PPP3CA: variants seen among roughly 807,000 people sequenced by gnomAD.
PPP3CA encodes protein phosphatase 3 catalytic subunit alpha, also known as CAM-PRP catalytic subunit.
In PPP3CA, 14 loss-of-function variants were observed where a neutral mutation model predicts 66.5. That is an observed-to-expected ratio of 0.21 (90% CI 0.14 to 0.33). PPP3CA has a LOEUF of 0.33. Among genes scored for constraint, PPP3CA ranks in the 10% least tolerant of loss-of-function variants. The pLI is 1.00. For missense variants in PPP3CA, 317 were observed against 639.5 expected (o/e 0.50, Z 5.44); for synonymous variants, 232 against 226.2 (o/e 1.03, Z -0.23).
At chr4:101,253,486 A>G (rs552462630) in intron 1 of PPP3CA, among the ~76,000 whole-genome samples, 6 of 152,248 alleles carry the variant, frequency 3.9e-5, no homozygotes, top group Non-Finnish European at 8.8e-5. Context: ...CAAGGGTTAC[A>G]TTCTATTTGT....
At chr4:101,235,007 A>G (rs1215241029) in intron 1 of PPP3CA, among the ~76,000 whole-genome samples, 1 of 151,788 alleles carries the variant, frequency 6.6e-6, no homozygotes, top group East Asian at 1.9e-4. Flanking sequence ...CTTTACAAGT[A>G]TTTCAATCAT....
At chr4:101,246,708 C>T (rs560649302) in intron 1 of PPP3CA, among the ~76,000 whole-genome samples, 81 of 152,102 alleles carry the variant, frequency 5.3e-4, no homozygotes, top group Non-Finnish European at 1.1e-3. Flanking sequence ...TGTGTACCTA[C>T]GTATATATAT....
intron 1 of PPP3CA, among the ~76,000 whole-genome samples, chr4:101,266,361 GATT>G (rs1482890209): frequency 6.6e-6 from 1 of 151,990 alleles, no homozygotes; most frequent in Non-Finnish European, 1.5e-5. Context: ...AAATAAATAG[GATT>G]ATTAAGTGAA....
At chr4:101,195,513 CT>C (rs1432924523) in intron 2 of PPP3CA, among the ~76,000 whole-genome samples, 1 of 152,052 alleles carries the variant, frequency 6.6e-6, no homozygotes, top group African/African-American at 2.4e-5. Flanking sequence ...TACTATCAGT[CT>C]GGGGATCACA....
intron 1 of PPP3CA, among the ~76,000 whole-genome samples, chr4:101,333,482 A>G (rs553285759): frequency 1.3e-5 from 2 of 151,928 alleles, no homozygotes; most frequent in South Asian, 4.2e-4. Context: ...GCTAAAATTC[A>G]TACTTAATAG....
At chr4:101,082,664 T>C (rs967468003) in intron 7 of PPP3CA, among the ~76,000 whole-genome samples, 56 of 152,230 alleles carry the variant, frequency 3.7e-4, no homozygotes, top group African/African-American at 1.3e-3. Context: ...CATTTGCTAG[T>C]TAGAACATAA....
chr4:101,196,215 A>C, intron 1 of PPP3CA, 99 bp from the exon 2 acceptor site: 1 of 1,085,170 alleles, frequency 9.2e-7, no homozygotes, highest in Non-Finnish European at 1.3e-6. Flanking sequence ...AAACCAACTA[A>C]TATAATATTT....
intron 10 of PPP3CA, among the ~76,000 whole-genome samples, chr4:101,054,758 G>A (rs190816440): frequency 2.0e-5 from 3 of 152,062 alleles, no homozygotes; most frequent in Admixed American, 2.0e-4. Flanking sequence ...GGACATAGAT[G>A]GTTTCATAGA....
chr4:101,084,439 G>A (rs534684801), intron 6 of PPP3CA, among the ~76,000 whole-genome samples: 3 of 151,916 alleles, frequency 2.0e-5, no homozygotes, highest in East Asian at 3.9e-4. Flanking sequence ...TCAGGAGTTC[G>A]AGACCAGCCT....
At chr4:101,060,108 G>C (rs1728397793) in intron 10 of PPP3CA, among the ~76,000 whole-genome samples, 1 of 152,056 alleles carries the variant, frequency 6.6e-6, no homozygotes, top group African/African-American at 2.4e-5. Context: ...TTATTTTTGA[G>C]ATGGGATCTT....
intron 1 of PPP3CA, among the ~76,000 whole-genome samples, chr4:101,283,302 T>A (rs114746592): frequency 2.6e-4 from 39 of 152,310 alleles, no homozygotes; most frequent in African/African-American, 8.7e-4. Context: ...GCAAAACATC[T>A]AAGCCTTGGT....
intron 1 of PPP3CA, among the ~76,000 whole-genome samples, chr4:101,341,953 C>A (rs1407978408): frequency 2.0e-5 from 3 of 152,044 alleles, no homozygotes; most frequent in Non-Finnish European, 2.9e-5. Flanking sequence ...AATGAGGTCA[C>A]CCTAAATGGA....
At chr4:101,106,454 AG>A (rs1451438418) in intron 3 of PPP3CA, among the ~76,000 whole-genome samples, 10 of 7,158 alleles carry the variant, frequency 1.4e-3, no homozygotes, top group Admixed American at 3.6e-3. Context: ...AGAAAGAAAG[AG>A]AAAAGAAAAG....
At chr4:101,164,432 C>T (rs1321808353) in intron 2 of PPP3CA, among the ~76,000 whole-genome samples, 1 of 152,084 alleles carries the variant, frequency 6.6e-6, no homozygotes, top group East Asian at 1.9e-4. Flanking sequence ...ACCTCAAATA[C>T]TTGTTGAATA....
intron 13 of PPP3CA, among the ~76,000 whole-genome samples, chr4:101,026,341 G>T (rs1173075940): frequency 6.6e-6 from 1 of 152,182 alleles, no homozygotes; most frequent in Non-Finnish European, 1.5e-5. Flanking sequence ...TTAGCTCAAA[G>T]AAATCCAAAG....
At chr4:101,118,231 G>C (rs768716841) in intron 2 of PPP3CA, among the ~76,000 whole-genome samples, 1 of 151,984 alleles carries the variant, frequency 6.6e-6, no homozygotes, top group Non-Finnish European at 1.5e-5. Flanking sequence ...AGGCAGTATA[G>C]TGCAATGGTT....
intron 1 of PPP3CA, among the ~76,000 whole-genome samples, chr4:101,289,725 A>C (rs1185996302): frequency 1.3e-5 from 2 of 152,066 alleles, no homozygotes; most frequent in Non-Finnish European, 2.9e-5. Context: ...GTTGTTTTTA[A>C]ACTTACCTTT....
chr4:101,154,085 A>G (rs1454291630), intron 2 of PPP3CA, among the ~76,000 whole-genome samples: 2 of 152,344 alleles, frequency 1.3e-5, no homozygotes, highest in East Asian at 3.9e-4. Context: ...TTTTTTATGA[A>G]GTACCACATT....
At chr4:101,216,246 T>C (rs1201856163) in intron 1 of PPP3CA, among the ~76,000 whole-genome samples, 2 of 152,226 alleles carry the variant, frequency 1.3e-5, no homozygotes, top group African/African-American at 2.4e-5. Context: ...TAAGGGAAAA[T>C]AGTAACATGG....
Sources: gnomAD v4.1 joint callset for allele counts (sites outside exome capture counted in the v4.1 genomes callset) on GRCh38, gnomAD v4.1.1 for gene constraint, MANE v1.5 for transcripts, NCBI Gene and HGNC (gene_info 2026-07-23, HGNC 2026-07-21) for gene names.